Variants in UNC13B observed in about 807,000 individuals in gnomAD.
UNC13B encodes the protein unc-13 homolog B.
A neutral mutation model predicts 211.0 loss-of-function variants in UNC13B; 144 were observed. That is an observed-to-expected ratio of 0.68 (90% CI 0.60 to 0.78). The LOEUF (loss-of-function observed/expected upper bound fraction) is 0.78, where lower values mean the gene tolerates loss of function less well. Among genes scored for constraint, UNC13B ranks in the 30% least tolerant of loss-of-function variants. The pLI is 0.00. For synonymous variants in UNC13B, 709 were observed against 725.8 expected (o/e 0.98, Z 0.37); for missense variants, 1,777 against 2,002.0 (o/e 0.89, Z 2.14).
At position 35,402,430 on chromosome 9, in the gene UNC13B, T is replaced by C. The variant is rs750821470; in HGVS notation, c.12485-737T>C. Among the ~76,000 whole-genome samples the C allele has an allele frequency of 1.2e-4, 18 of 152,066 alleles. No homozygotes were observed. The South Asian group carries it at 1.2e-3, about 11-fold the overall frequency. On this transcript the variant is annotated intron_variant, in intron 37 of 39. Transcript: ENST00000635942. The stretch of plus-strand genomic sequence containing the variant: ...CCTAGTAGCTGGGACTACAGGCGCC[T>C]GCCACCACTGCCAGCTAATTTTTTT...
intron 1 of UNC13B, among the ~76,000 whole-genome samples, chr9:35,177,221 G>A (rs1252536105): frequency 1.3e-5 from 2 of 152,118 alleles, no homozygotes; most frequent in East Asian, 1.9e-4. Context: ...ACCCAGGGGC[G>A]GAGATTTCAG....
chr9:35,167,588 T>A (rs1321883108), intron 1 of UNC13B, among the ~76,000 whole-genome samples: 3 of 141,218 alleles, frequency 2.1e-5, no homozygotes, highest in African/African-American at 7.8e-5. Flanking sequence ...CTTTGTAGGT[T>A]TTTTTTTTTT....
chr9:35,295,558 T>A, intron 7 of UNC13B, 138 bp from the exon 8 acceptor site: 1 of 693,996 alleles, frequency 1.4e-6, no homozygotes, highest in East Asian at 2.7e-5. Context: ...GGCTCTGAGG[T>A]CGTCACTGGG....
chr9:35,167,754 ATTTT>A (rs765603183), intron 1 of UNC13B, among the ~76,000 whole-genome samples: 5 of 115,666 alleles, frequency 4.3e-5, no homozygotes, highest in African/African-American at 1.7e-4. Flanking sequence ...TGCCTGGCTA[ATTTT>A]TTTTTTTTTT....
At chr9:35,271,857 T>C (rs767430169) in intron 7 of UNC13B, among the ~76,000 whole-genome samples, 6 of 152,352 alleles carry the variant, frequency 3.9e-5, no homozygotes, top group Middle Eastern at 3.4e-3. Flanking sequence ...ATCAAAACCA[T>C]CCTGGCCAAC....
chr9:35,399,430 C>T lies in UNC13B; in HGVS notation c.12237C>T (p.Ser4079=). The change falls in exon 35 of 40, where the codon AGC becomes AGT. Residue 4079 remains serine (S), a synonymous_variant. Coordinates refer to ENST00000635942, the MANE Select transcript of UNC13B (RefSeq NM_001371189.2). Reference sequence around the variant, plus strand: ...TCTTCACTGCTGCCAAGGAGCTGAGCCATCTTTCCAAACTCAAGGTACTCT... The same window carrying T: ...TCTTCACTGCTGCCAAGGAGCTGAGTCATCTTTCCAAACTCAAGGTACTCT... ...QLIFTAAKEL[S]HLSKLKDHMV... 6.2e-7 allele frequency: 1 copy of T among 1,614,146 alleles called. No individual in the cohort carries two copies. The highest frequency in any genetic ancestry group is 1.1e-5 in the South Asian group (1 of 91,076).
chr9:35,380,396 G>A, intron 17 of UNC13B, 74 bp from the exon 18 acceptor site: 1 of 1,512,890 alleles, frequency 6.6e-7, no homozygotes, highest in Non-Finnish European at 9.0e-7. Flanking sequence ...GGAGCTTTTG[G>A]GAGGGAATAG....
intron 1 of UNC13B, among the ~76,000 whole-genome samples, chr9:35,168,358 A>C (rs571149494): frequency 6.6e-6 from 1 of 152,342 alleles, no homozygotes; most frequent in African/African-American, 2.4e-5. Flanking sequence ...GGTAATCAGC[A>C]TAATACCCAA....
intron 7 of UNC13B, among the ~76,000 whole-genome samples, chr9:35,285,167 A>G (rs1828718745): frequency 6.6e-6 from 1 of 152,170 alleles, no homozygotes; most frequent in Admixed American, 6.5e-5. Flanking sequence ...GTATGATGAC[A>G]TTGAACTTTT....
At chr9:35,220,794 C>T (rs1318258239) in intron 1 of UNC13B, among the ~76,000 whole-genome samples, 2 of 152,124 alleles carry the variant, frequency 1.3e-5, no homozygotes, top group Non-Finnish European at 2.9e-5. Context: ...ATTGCAGGAT[C>T]ATATCGTAGC....
At chr9:35,309,840 T>C (rs1046391742) in intron 9 of UNC13B, among the ~76,000 whole-genome samples, 6 of 152,222 alleles carry the variant, frequency 3.9e-5, no homozygotes, top group Non-Finnish European at 8.8e-5. Context: ...GTAGCATTTA[T>C]GTTGATGAGA....
intron 5 of UNC13B, among the ~76,000 whole-genome samples, chr9:35,241,625 T>G (rs1825821222): frequency 6.6e-6 from 1 of 151,310 alleles, no homozygotes; most frequent in South Asian, 2.1e-4. Context: ...ACGCAAATAG[T>G]AGCATATTCT....
chr9:35,183,145 C>T (rs535630923), intron 1 of UNC13B, among the ~76,000 whole-genome samples: 12 of 136,460 alleles, frequency 8.8e-5, no homozygotes, highest in Admixed American at 3.0e-4. Flanking sequence ...CGGGCAGAGG[C>T]GCTCCCCACC....
At chr9:35,166,116 T>C (rs1325416715) in intron 1 of UNC13B, among the ~76,000 whole-genome samples, 1 of 152,176 alleles carries the variant, frequency 6.6e-6, no homozygotes, top group Non-Finnish European at 1.5e-5. Flanking sequence ...TCGTGGTGGC[T>C]CTTGCCTGTA....
chr9:35,318,300 A>G (rs906627734), intron 11 of UNC13B, among the ~76,000 whole-genome samples: 1 of 152,224 alleles, frequency 6.6e-6, no homozygotes, highest in African/African-American at 2.4e-5. Flanking sequence ...GAAATGTACC[A>G]TTTGTACTTA....
Position 35,381,497 on chromosome 9 carries a change from T to A in UNC13B, c.10492-59T>A, listed in dbSNP as rs969519189. 6.5e-6 allele frequency: 10 copies of A among 1,544,668 alleles called. No individual in the cohort carries two copies. In the Admixed American group the frequency reaches 1.2e-4, roughly 18 times the overall value. ...ATTCTTCTGGGCTTTACCACCAAGTTTGTTTTTGTCTTTCATATGTGTTTA... is the reference window on the plus strand; with the variant it reads ...ATTCTTCTGGGCTTTACCACCAAGTATGTTTTTGTCTTTCATATGTGTTTA... On this transcript the variant is annotated intron_variant, in intron 19 of 39. Coordinates refer to ENST00000635942, the MANE Select transcript of UNC13B (RefSeq NM_001371189.2).
At chr9:35,169,007 G>T (rs1490133807) in intron 1 of UNC13B, among the ~76,000 whole-genome samples, 3 of 152,082 alleles carry the variant, frequency 2.0e-5, no homozygotes, top group Non-Finnish European at 4.4e-5. Flanking sequence ...AATGTCACTG[G>T]TGAATGGTAA....
chr9:35,330,007 C>A (rs1831277307), intron 11 of UNC13B, among the ~76,000 whole-genome samples: 1 of 152,086 alleles, frequency 6.6e-6, no homozygotes, highest in African/African-American at 2.4e-5. Flanking sequence ...CTTTTGTATC[C>A]GTTTACTGTT....
chr9:35,252,191 A>G (rs1239611819), intron 6 of UNC13B, among the ~76,000 whole-genome samples: 2 of 152,226 alleles, frequency 1.3e-5, no homozygotes, highest in Non-Finnish European at 2.9e-5. Flanking sequence ...AGGTGATGTT[A>G]AAATTCAACA....
Sources: gnomAD v4.1 joint callset for allele counts (sites outside exome capture counted in the v4.1 genomes callset) on GRCh38, gnomAD v4.1.1 for gene constraint, MANE v1.5 for transcripts, NCBI Gene and HGNC (gene_info 2026-07-23, HGNC 2026-07-21) for gene names.